Variants in EPHB1 observed in about 807,000 individuals in gnomAD.
EPHB1 encodes the protein ephrin type-B receptor 1.
Under a neutral mutation model 94.4 loss-of-function variants are expected in EPHB1, and 30 were observed. The observed-to-expected ratio is 0.32, with a 90% CI of 0.24 to 0.43. EPHB1 has a LOEUF of 0.43. EPHB1 is among the 20% of genes least tolerant of loss of function. The pLI is 1.00. For synonymous variants in EPHB1, 522 were observed against 489.1 expected, an observed-to-expected ratio of 1.07 and a Z score of -0.89; for missense variants, 1,055 against 1,308.3, an observed-to-expected ratio of 0.81 and a Z score of 2.99.
intron 2 of EPHB1, among the ~76,000 whole-genome samples, chr3:134,946,896 C>A (rs2039227179): frequency 6.6e-6 from 1 of 152,174 alleles, no homozygotes; most frequent in Admixed American, 6.5e-5. Context: ...AGATAAACCT[C>A]TTTTCTTTAT....
At chr3:135,236,458 A>G (rs1170589018) in intron 12 of EPHB1, among the ~76,000 whole-genome samples, 3 of 152,270 alleles carry the variant, frequency 2.0e-5, no homozygotes, top group South Asian at 4.2e-4. Flanking sequence ...GGACTTCAAC[A>G]TGTCTTTTGT....
At position 135,259,901 on chromosome 3, in the gene EPHB1, T is replaced by C. The variant is rs1576510802; in HGVS notation, c.*781T>C. Reference sequence around the variant, plus strand: ...AATGACTGTGCTTGTTCGTAACAGATGCAAACAAGAAAGAAGAACTGGGAA... The same window carrying C: ...AATGACTGTGCTTGTTCGTAACAGACGCAAACAAGAAAGAAGAACTGGGAA... On this transcript the variant is annotated 3_prime_UTR_variant, in exon 16 of 16. Coordinates refer to ENST00000398015, the MANE Select transcript of EPHB1 (RefSeq NM_004441.5). The C allele has an allele frequency of 4.4e-6, 1 of 229,396 alleles. No homozygotes were observed. The highest frequency in any genetic ancestry group is 6.2e-5 in the East Asian group (1 of 16,110). The allele number at this position is 229,396 out of a possible 1,614,324, so 14.2% of individuals were successfully genotyped here.
At chr3:134,929,630 G>T (rs1195546693) in intron 2 of EPHB1, among the ~76,000 whole-genome samples, 2 of 152,134 alleles carry the variant, frequency 1.3e-5, no homozygotes, top group African/African-American at 4.8e-5. Context: ...GGAGGGACTG[G>T]TGTGACCAGC....
intron 3 of EPHB1, among the ~76,000 whole-genome samples, chr3:135,028,387 C>A (rs1462810448): frequency 3.7e-5 from 5 of 136,108 alleles, no homozygotes; most frequent in Non-Finnish European, 8.1e-5. Context: ...CCTCTACACA[C>A]TGCTTTGAAT....
intron 3 of EPHB1, among the ~76,000 whole-genome samples, chr3:135,059,793 T>G (rs967319083): frequency 1.3e-5 from 2 of 152,176 alleles, no homozygotes; most frequent in Admixed American, 1.3e-4. Context: ...GTTGGAGATA[T>G]GGGTTCTGAC....
chr3:134,979,317 A>C (rs1934316838), intron 3 of EPHB1, among the ~76,000 whole-genome samples: 1 of 152,188 alleles, frequency 6.6e-6, no homozygotes, highest in African/African-American at 2.4e-5. Flanking sequence ...GGCCAACCAG[A>C]TTGGCACGTT....
intron 13 of EPHB1, among the ~76,000 whole-genome samples, chr3:135,247,388 C>T (rs1293838957): frequency 1.3e-5 from 2 of 152,122 alleles, no homozygotes; most frequent in Admixed American, 6.5e-5. Flanking sequence ...TGTAGTATTA[C>T]TTTAAGGCCT....
intron 1 of EPHB1, among the ~76,000 whole-genome samples, chr3:134,906,374 T>C (rs1002746874): frequency 3.3e-5 from 5 of 152,330 alleles, no homozygotes; most frequent in Non-Finnish European, 7.3e-5. Flanking sequence ...CAGCTGGTGA[T>C]TTTCTGGTAT....
intron 3 of EPHB1, among the ~76,000 whole-genome samples, chr3:135,081,465 G>A (rs1938161005): frequency 6.6e-6 from 1 of 152,164 alleles, no homozygotes; most frequent in Admixed American, 6.5e-5. Flanking sequence ...TAATTATTAG[G>A]GAGCCAGTAG....
intron 3 of EPHB1, among the ~76,000 whole-genome samples, chr3:135,025,356 C>G (rs1235377145): frequency 3.0e-5 from 2 of 66,310 alleles, no homozygotes; most frequent in Non-Finnish European, 5.6e-5. Flanking sequence ...TGCTATCCCT[C>G]CCCCCTCCCC....
chr3:135,032,363 T>A (rs1465256518), intron 3 of EPHB1, among the ~76,000 whole-genome samples: 1 of 151,980 alleles, frequency 6.6e-6, no homozygotes, highest in East Asian at 1.9e-4. Flanking sequence ...CTTTTATTTT[T>A]ATTTCCTAAG....
intron 1 of EPHB1, among the ~76,000 whole-genome samples, chr3:134,873,422 G>T (rs186131676): frequency 1.3e-5 from 2 of 152,190 alleles, no homozygotes; most frequent in Non-Finnish European, 2.9e-5. Flanking sequence ...GATGGTTTGG[G>T]GATTCCTGCT....
intron 2 of EPHB1, among the ~76,000 whole-genome samples, chr3:134,935,947 C>T (rs749376852): frequency 2.6e-5 from 4 of 152,184 alleles, no homozygotes; most frequent in African/African-American, 4.8e-5. Context: ...AGGAAGGTGG[C>T]ATCTCTCCCA....
Position 135,122,524 on chromosome 3 carries a change from T to C in EPHB1, c.962-10190T>C, listed in dbSNP as rs866202589. Among the ~76,000 whole-genome samples, 3 of 152,062 alleles carry C rather than the reference T, an allele frequency of 2.0e-5. No homozygotes were observed. The South Asian group carries it at 6.2e-4, about 32-fold the overall frequency. Reference sequence around the variant, plus strand: ...TAGAAGATTCAACCTTCTATCCATCTCCCGCATGGATAGTAACCTGAGACT... The same window carrying C: ...TAGAAGATTCAACCTTCTATCCATCCCCCGCATGGATAGTAACCTGAGACT... On this transcript the variant is annotated intron_variant, in intron 4 of 15. Transcript: ENST00000398015.
chr3:134,850,342 G>C (rs1249182576), intron 1 of EPHB1, among the ~76,000 whole-genome samples: 1 of 152,240 alleles, frequency 6.6e-6, no homozygotes, highest in Non-Finnish European at 1.5e-5. Context: ...CCCAGAGAGA[G>C]AGGAGAGGTG....
chr3:134,814,124 C>T (rs2036224363), intron 1 of EPHB1, among the ~76,000 whole-genome samples: 2 of 152,124 alleles, frequency 1.3e-5, no homozygotes, highest in Admixed American at 6.5e-5. Context: ...CGCATGCCAC[C>T]GTGGCAAGAA....
chr3:134,985,958 TCA>T (rs1015341936), intron 3 of EPHB1, among the ~76,000 whole-genome samples: 2 of 151,772 alleles, frequency 1.3e-5, no homozygotes, highest in African/African-American at 4.8e-5. Flanking sequence ...TGGTCAGGAG[TCA>T]CACATGCAGA....
At chr3:134,979,136 A>G (rs544657217) in intron 3 of EPHB1, among the ~76,000 whole-genome samples, 15 of 152,234 alleles carry the variant, frequency 9.9e-5, no homozygotes, top group African/African-American at 2.4e-4. Flanking sequence ...CTCATCTTAT[A>G]TTTAGAATGG....
chr3:134,917,500 A>C (rs1269621432), intron 1 of EPHB1, among the ~76,000 whole-genome samples: 2 of 152,206 alleles, frequency 1.3e-5, no homozygotes, highest in African/African-American at 4.8e-5. Context: ...CAACTCCTTC[A>C]GACATCTTTC....
Sources: allele counts gnomAD v4.1 joint callset (sites outside exome capture counted in the v4.1 genomes callset), GRCh38; gene constraint gnomAD v4.1.1; transcripts MANE v1.5; gene names NCBI Gene and HGNC (gene_info 2026-07-23, HGNC 2026-07-21).